CTNNA2: variants seen among roughly 807,000 people sequenced by gnomAD.
CTNNA2 encodes the protein catenin alpha 2.
A neutral mutation model predicts 101.0 loss-of-function variants in CTNNA2; 42 were observed. The ratio of observed to expected loss-of-function variants is 0.42; its 90% CI spans 0.32 to 0.54. CTNNA2 has a LOEUF of 0.54. CTNNA2 is among the 20% of genes least tolerant of loss of function. CTNNA2 has a pLI of 0.14. For synonymous variants in CTNNA2, 450 were observed against 456.4 expected, an observed-to-expected ratio of 0.99 and a Z score of 0.18; for missense variants, 871 against 1,223.1, an observed-to-expected ratio of 0.71 and a Z score of 4.29.
chr2:80,030,252 TAAAAG>T (rs1438852898), intron 7 of CTNNA2, among the ~76,000 whole-genome samples: 2 of 151,476 alleles, frequency 1.3e-5, no homozygotes, highest in East Asian at 1.9e-4. Flanking sequence ...AAAAAGATGT[TAAAAG>T]AAAAAAACTG....
rs117552857 is a variant in CTNNA2 at position 80,123,861 on chromosome 2, C to T, written c.1056+214064C>T. Among the ~76,000 whole-genome samples, 110 of 152,108 alleles carry T rather than the reference C, an allele frequency of 7.2e-4. No homozygotes were observed. The East Asian group carries it at 0.021, about 28-fold the overall frequency. The stretch of plus-strand genomic sequence containing the variant: ...GGCTTGTGATGGTGGCTACCTTATC[C>T]GTCTCTCTAGTTTAGTAAAGAAATT... On this transcript the variant is annotated intron_variant, in intron 7 of 18. Coordinates refer to ENST00000402739, the MANE Select transcript of CTNNA2 (RefSeq NM_001282597.3).
At chr2:80,505,128 A>AGAAT (rs1437317387) in intron 9 of CTNNA2, among the ~76,000 whole-genome samples, 4 of 152,220 alleles carry the variant, frequency 2.6e-5, no homozygotes, top group African/African-American at 9.6e-5. Flanking sequence ...TTGGAGAATA[A>AGAAT]GAATGAATGA....
intron 7 of CTNNA2, among the ~76,000 whole-genome samples, chr2:80,157,856 T>C (rs915620446): frequency 3.9e-5 from 6 of 152,104 alleles, no homozygotes; most frequent in Non-Finnish European, 5.9e-5. Flanking sequence ...TGAGTAGAGG[T>C]TGTGCTTGCC....
At chr2:80,609,987 T>C (rs1458607804) in intron 17 of CTNNA2, among the ~76,000 whole-genome samples, 2 of 151,756 alleles carry the variant, frequency 1.3e-5, no homozygotes, top group Non-Finnish European at 2.9e-5. Context: ...GTGTTTGAGA[T>C]TGGGAACACC....
chr2:79,755,908 G>A (rs1248591834), intron 3 of CTNNA2, among the ~76,000 whole-genome samples: 1 of 152,128 alleles, frequency 6.6e-6, no homozygotes, highest in African/African-American at 2.4e-5. Flanking sequence ...GAAGTTCCAT[G>A]TGAAAATATG....
chr2:79,232,689 G>A (rs1674510929), intron 2 of CTNNA2, among the ~76,000 whole-genome samples: 1 of 152,266 alleles, frequency 6.6e-6, no homozygotes, highest in Non-Finnish European at 1.5e-5. Context: ...TGGTTGGTAA[G>A]ATTTTTATTA....
At chr2:79,220,370 G>T (rs568242310) in intron 2 of CTNNA2, among the ~76,000 whole-genome samples, 1 of 152,174 alleles carries the variant, frequency 6.6e-6, no homozygotes, top group Middle Eastern at 3.2e-3. Flanking sequence ...CTGTTTACAA[G>T]TGTGGCTTTG....
At chr2:79,323,567 A>C (rs1676674569) in intron 3 of CTNNA2, among the ~76,000 whole-genome samples, 1 of 152,224 alleles carries the variant, frequency 6.6e-6, no homozygotes, top group South Asian at 2.1e-4. Flanking sequence ...ACAAACAAAA[A>C]AAACAGATCC....
chr2:80,627,147 C>G (rs1671771067), intron 18 of CTNNA2, among the ~76,000 whole-genome samples: 1 of 151,582 alleles, frequency 6.6e-6, no homozygotes, highest in Non-Finnish European at 1.5e-5. Flanking sequence ...CAAGTCTTTG[C>G]TATTGTGAAC....
chr2:79,205,716 A>G (rs1674092182), intron 2 of CTNNA2, among the ~76,000 whole-genome samples: 1 of 152,112 alleles, frequency 6.6e-6, no homozygotes, highest in African/African-American at 2.4e-5. Context: ...CCATTTCTCC[A>G]TTGCCTCGTG....
intron 7 of CTNNA2, among the ~76,000 whole-genome samples, chr2:80,000,471 C>T (rs537289303): frequency 9.2e-4 from 140 of 152,146 alleles, no homozygotes; most frequent in African/African-American, 3.1e-3. Context: ...TAGAGCTCAC[C>T]CTTTTAATAT....
At chr2:79,383,795 C>T (rs1678066930) in intron 4 of CTNNA2, among the ~76,000 whole-genome samples, 1 of 152,182 alleles carries the variant, frequency 6.6e-6, no homozygotes, top group African/African-American at 2.4e-5. Context: ...TAATCAAATA[C>T]TGCCAGTCCT....
intron 7 of CTNNA2, among the ~76,000 whole-genome samples, chr2:80,037,168 T>A (rs576037592): frequency 8.5e-5 from 13 of 152,292 alleles, no homozygotes; most frequent in African/African-American, 3.1e-4. Context: ...TGTAAGAAGA[T>A]GAAGGGGTGA....
At chr2:79,735,686 T>G (rs1670826335) in intron 2 of CTNNA2, among the ~76,000 whole-genome samples, 1 of 152,190 alleles carries the variant, frequency 6.6e-6, no homozygotes, top group Non-Finnish European at 1.5e-5. Context: ...AATTATAGGC[T>G]TTCTTTGTAG....
chr2:80,093,441 T>G (rs1699921988), intron 7 of CTNNA2, among the ~76,000 whole-genome samples: 2 of 152,204 alleles, frequency 1.3e-5, no homozygotes, highest in African/African-American at 4.8e-5. Context: ...TCTTTGCTAT[T>G]GTGAATAGTG....
At chr2:79,835,063 T>C (rs999401350) in intron 3 of CTNNA2, among the ~76,000 whole-genome samples, 3 of 152,152 alleles carry the variant, frequency 2.0e-5, no homozygotes, top group Non-Finnish European at 4.4e-5. Flanking sequence ...CATAGCTTAT[T>C]AATAAATATT....
In CTNNA2 at chr2:79,402,479, TGAA is replaced by T. The variant is rs559904321; in HGVS notation, c.-135+28468_-135+28470del. ...TTCTCCTATATGTACATGCCTATGA[TGAA>T]GTTTAATTTATAAATTAGGCACAGT... is the stretch of plus-strand genomic sequence containing the variant. On this transcript the variant is annotated intron_variant, in intron 4 of 21. Transcript: ENST00000466387. 2.7e-3 allele frequency among the ~76,000 whole-genome samples: 404 copies of T among 151,960 alleles called. 2 individuals are homozygous for T. Among genetic ancestry groups the T allele is most frequent in the African/African-American group, 9.4e-3 (392 of 41,532 alleles).
At chr2:79,715,321 A>G (rs1250977145) in intron 2 of CTNNA2, among the ~76,000 whole-genome samples, 1 of 152,000 alleles carries the variant, frequency 6.6e-6, no homozygotes, top group African/African-American at 2.4e-5. Context: ...TATTTGAAGG[A>G]CTGTCATGGA....
chr2:79,245,108 A>G (rs1047480184), intron 2 of CTNNA2, among the ~76,000 whole-genome samples: 6 of 152,030 alleles, frequency 3.9e-5, no homozygotes, highest in African/African-American at 1.4e-4. Flanking sequence ...GAAAAAAAAA[A>G]AAAGGAAAGA....
Sources: allele counts gnomAD v4.1 joint callset (sites outside exome capture counted in the v4.1 genomes callset), GRCh38; gene constraint gnomAD v4.1.1; transcripts MANE v1.5; gene names NCBI Gene and HGNC (gene_info 2026-07-23, HGNC 2026-07-21).